GRXCR1: variants seen among roughly 807,000 people sequenced by gnomAD.
GRXCR1 encodes the protein glutaredoxin domain-containing cysteine-rich protein 1.
Under a neutral mutation model 27.3 loss-of-function variants are expected in GRXCR1, and 27 were observed. The observed-to-expected ratio is 0.99, with a 90% confidence interval of 0.73 to 1.37. The LOEUF (loss-of-function observed/expected upper bound fraction) is 1.37, where lower values mean the gene tolerates loss of function less well. GRXCR1 is among the 40% of genes most tolerant of loss of function. The pLI is 0.00. For synonymous variants in GRXCR1, 122 were observed against 131.1 expected, an observed-to-expected ratio of 0.93 and a Z score of 0.47; for missense variants, 379 against 354.4, an observed-to-expected ratio of 1.07 and a Z score of -0.56.
intron 2 of GRXCR1, among the ~76,000 whole-genome samples, chr4:42,965,408 A>C (rs1440238433): frequency 1.3e-5 from 2 of 152,028 alleles, no homozygotes; most frequent in African/African-American, 2.4e-5. Context: ...ACACTCCAAA[A>C]CAACGAATTC....
chr4:42,901,052 T>G (rs1746449163), intron 1 of GRXCR1, among the ~76,000 whole-genome samples: 1 of 152,170 alleles, frequency 6.6e-6, no homozygotes, highest in African/African-American at 2.4e-5. Context: ...CTGTTGCTTC[T>G]AAACTGTCCC....
At chr4:42,894,480 A>T (rs1238669959) in intron 1 of GRXCR1, among the ~76,000 whole-genome samples, 2 of 152,030 alleles carry the variant, frequency 1.3e-5, no homozygotes, top group Non-Finnish European at 2.9e-5. Context: ...AATATTTTTC[A>T]TTGTAATTCC....
rs1273638124 is a variant in GRXCR1 at position 42,986,305 on chromosome 4, C to G, written c.627+23171C>G. The stretch of plus-strand genomic sequence containing the variant: ...CTCTCCAGCAGTAAGACTTAAAATG[C>G]TGAAGTGAGGGGCTCATTGTGAGCT... On this transcript the variant is annotated intron_variant, in intron 2 of 3. Transcript: ENST00000399770. 2.6e-5 allele frequency among the ~76,000 whole-genome samples: 4 copies of G among 152,282 alleles called. No homozygotes were observed. The East Asian group carries it at 7.7e-4, about 29-fold the overall frequency.
chr4:42,897,520 T>TA (rs1215542329), intron 1 of GRXCR1, among the ~76,000 whole-genome samples: 1 of 152,146 alleles, frequency 6.6e-6, no homozygotes, highest in Non-Finnish European at 1.5e-5. Flanking sequence ...TCTATGTATG[T>TA]ACATGGATAT....
chr4:42,977,192 T>C lies in GRXCR1; in HGVS notation c.627+14058T>C, dbSNP rs186365505. On this transcript the variant is annotated intron_variant, in intron 2 of 3. Transcript: ENST00000399770. ...ATAGTATTCCATTGTGTATATATAT[T>C]TCACATTTTTTTATCCATTTATCCA... 6.4e-4 allele frequency among the ~76,000 whole-genome samples: 98 copies of C among 152,112 alleles called. No homozygotes were observed. In the Middle Eastern group the frequency reaches 0.01, roughly 16 times the overall value.
At chr4:42,946,251 A>C (rs1057006605) in intron 1 of GRXCR1, among the ~76,000 whole-genome samples, 7 of 150,182 alleles carry the variant, frequency 4.7e-5, no homozygotes, top group African/African-American at 1.5e-4. Flanking sequence ...TTAATGAGAC[A>C]GGAAAAAGGT....
At chr4:42,937,820 G>C (rs1747495108) in intron 1 of GRXCR1, among the ~76,000 whole-genome samples, 1 of 151,808 alleles carries the variant, frequency 6.6e-6, no homozygotes, top group Non-Finnish European at 1.5e-5. Context: ...TGTATATATT[G>C]AGATATGAGA....
At chr4:42,937,899 A>T (rs1747496827) in intron 1 of GRXCR1, among the ~76,000 whole-genome samples, 1 of 152,014 alleles carries the variant, frequency 6.6e-6, no homozygotes, top group South Asian at 2.1e-4. Context: ...CACCTGAAGC[A>T]TTTATCATTT....
At chr4:43,004,987 C>T (rs1047657090) in intron 2 of GRXCR1, among the ~76,000 whole-genome samples, 6 of 152,148 alleles carry the variant, frequency 3.9e-5, no homozygotes, top group Non-Finnish European at 8.8e-5. Context: ...TCTGTGTCCC[C>T]ACCCAAATCT....
At chr4:42,936,180 A>T (rs1747454398) in intron 1 of GRXCR1, among the ~76,000 whole-genome samples, 1 of 151,874 alleles carries the variant, frequency 6.6e-6, no homozygotes, top group Admixed American at 6.6e-5. Flanking sequence ...TAAATATTAG[A>T]AAATGAGATG....
At chr4:42,944,185 A>G (rs1747691242) in intron 1 of GRXCR1, among the ~76,000 whole-genome samples, 1 of 152,096 alleles carries the variant, frequency 6.6e-6, no homozygotes, top group African/African-American at 2.4e-5. Flanking sequence ...GAAGGTGACT[A>G]CAGGGTCTGG....
At chr4:43,010,859 G>C (rs1712728438) in intron 2 of GRXCR1, among the ~76,000 whole-genome samples, 1 of 152,170 alleles carries the variant, frequency 6.6e-6, no homozygotes, top group Non-Finnish European at 1.5e-5. Flanking sequence ...ATGTGTGCCA[G>C]GCACTATGCT....
intron 2 of GRXCR1, among the ~76,000 whole-genome samples, chr4:42,978,677 T>TGG (rs2109783462): frequency 6.6e-6 from 1 of 152,238 alleles, no homozygotes; most frequent in East Asian, 1.9e-4. Flanking sequence ...ATTTATTTTT[T>TGG]GGTGCTAACA....
At chr4:43,015,921 G>A (rs1021062504) in intron 2 of GRXCR1, among the ~76,000 whole-genome samples, 1 of 152,014 alleles carries the variant, frequency 6.6e-6, no homozygotes, top group African/African-American at 2.4e-5. Flanking sequence ...AGTTTCAAAT[G>A]TTGATGTCCC....
intron 1 of GRXCR1, among the ~76,000 whole-genome samples, chr4:42,918,614 C>T (rs1175960020): frequency 6.6e-6 from 1 of 152,158 alleles, no homozygotes; most frequent in Non-Finnish European, 1.5e-5. Flanking sequence ...ATTCTGATAT[C>T]TGCTGCTTTC....
intron 2 of GRXCR1, among the ~76,000 whole-genome samples, chr4:43,008,796 A>G (rs1712645675): frequency 6.6e-6 from 1 of 152,218 alleles, no homozygotes; most frequent in South Asian, 2.1e-4. Context: ...TATTCCTGTA[A>G]CACTTGTACT....
intron 2 of GRXCR1, among the ~76,000 whole-genome samples, chr4:42,990,970 T>G (rs902864457): frequency 1.3e-5 from 2 of 152,166 alleles, no homozygotes; most frequent in Non-Finnish European, 2.9e-5. Context: ...TATTATATTT[T>G]AGTTTTTATC....
At chr4:43,028,271 T>C (rs1577951623) in intron 3 of GRXCR1, among the ~76,000 whole-genome samples, 2 of 152,250 alleles carry the variant, frequency 1.3e-5, no homozygotes, top group East Asian at 3.8e-4. Context: ...AGATAAATTA[T>C]AAATAATTTT....
chr4:42,958,188 C>A (rs1748050805), intron 1 of GRXCR1, among the ~76,000 whole-genome samples: 1 of 152,044 alleles, frequency 6.6e-6, no homozygotes, highest in South Asian at 2.1e-4. Flanking sequence ...AACTTTGCTT[C>A]TTAACCCTTG....
Sources: allele counts gnomAD v4.1 joint callset (sites outside exome capture counted in the v4.1 genomes callset), GRCh38; gene constraint gnomAD v4.1.1; transcripts MANE v1.5; gene names NCBI Gene and HGNC (gene_info 2026-07-23, HGNC 2026-07-21).